Variants in ROBO1 observed in about 807,000 individuals in gnomAD.
ROBO1 encodes roundabout homolog 1.
ROBO1 carries 149 observed loss-of-function variants against 195.9 expected under a neutral mutation model. That is an observed-to-expected ratio of 0.76 (90% CI 0.67 to 0.87). The LOEUF (loss-of-function observed/expected upper bound fraction) is 0.87. Among genes scored for constraint, ROBO1 ranks in the 40% least tolerant of loss-of-function variants. The pLI, the probability that ROBO1 is intolerant of heterozygous loss-of-function variation, is 0.00. For missense variants in ROBO1, 1,933 were observed against 2,068.3 expected (o/e 0.93, Z 1.27); for synonymous variants, 816 against 733.2 (o/e 1.11, Z -1.82).
At chr3:79,192,135 C>A (rs1559725042) in intron 2 of ROBO1, among the ~76,000 whole-genome samples, 1 of 151,276 alleles carries the variant, frequency 6.6e-6, no homozygotes, top group South Asian at 2.1e-4. Flanking sequence ...GAAATATATC[C>A]CCACATTTGA....
At chr3:79,042,843 T>A (rs1413840135) in intron 3 of ROBO1, among the ~76,000 whole-genome samples, 1 of 152,272 alleles carries the variant, frequency 6.6e-6, no homozygotes, top group Admixed American at 6.5e-5. Flanking sequence ...TATAATAAAA[T>A]CTGAATTCTA....
intron 2 of ROBO1, among the ~76,000 whole-genome samples, chr3:79,568,011 A>C (rs1320602483): frequency 6.6e-6 from 1 of 152,140 alleles, no homozygotes; most frequent in African/African-American, 2.4e-5. Flanking sequence ...TCTACGGCTA[A>C]TGAAAATACC....
intron 5 of ROBO1, among the ~76,000 whole-genome samples, chr3:78,738,537 C>G (rs2108235329): frequency 6.6e-6 from 1 of 152,130 alleles, no homozygotes; most frequent in South Asian, 2.1e-4. Context: ...TTTTTACTTA[C>G]CTTATATAAA....
intron 2 of ROBO1, among the ~76,000 whole-genome samples, chr3:79,300,872 ACT>A (rs914477402): frequency 4.6e-5 from 7 of 151,046 alleles, no homozygotes; most frequent in African/African-American, 1.5e-4. Flanking sequence ...TTTATGTCAC[ACT>A]CTGTATCTAG....
intron 28 of ROBO1, chr3:78,607,333 C>T: frequency 3.0e-6 from 1 of 333,548 alleles, no homozygotes; most frequent in South Asian, 4.1e-5. Flanking sequence ...CCACCTCAGC[C>T]TCCCGAGTAG....
chr3:79,562,708 T>C (rs1177918116), intron 2 of ROBO1, among the ~76,000 whole-genome samples: 2 of 152,066 alleles, frequency 1.3e-5, no homozygotes, highest in African/African-American at 2.4e-5. Context: ...TGTTTTATCA[T>C]ATTATTTTTC....
chr3:79,375,612 G>C (rs1020084796), intron 2 of ROBO1, among the ~76,000 whole-genome samples: 1 of 152,154 alleles, frequency 6.6e-6, no homozygotes, highest in Non-Finnish European at 1.5e-5. Flanking sequence ...CATTTCAGAT[G>C]ATGGCCAGGA....
intron 19 of ROBO1, 93 bp from the exon 20 acceptor site, chr3:78,647,748 A>G (rs2107602451): frequency 9.4e-7 from 1 of 1,059,320 alleles, no homozygotes; most frequent in African/African-American, 1.6e-5. Context: ...ACAGCTGAAC[A>G]TAAAACAAAT....
chr3:79,215,532 A>G (rs763051246), intron 2 of ROBO1, among the ~76,000 whole-genome samples: 11 of 152,318 alleles, frequency 7.2e-5, no homozygotes, highest in Non-Finnish European at 1.3e-4. Context: ...AAATTAAATG[A>G]CAGTCAGTCC....
At chr3:78,995,077 C>G (rs1014336840) in intron 3 of ROBO1, among the ~76,000 whole-genome samples, 3 of 152,104 alleles carry the variant, frequency 2.0e-5, no homozygotes, top group African/African-American at 7.2e-5. Context: ...CTGTAGTGCA[C>G]CTTATACTTT....
intron 2 of ROBO1, among the ~76,000 whole-genome samples, chr3:79,242,912 A>G (rs576389202): frequency 2.6e-5 from 4 of 151,870 alleles, no homozygotes; most frequent in Non-Finnish European, 1.5e-5. Flanking sequence ...TACATGTGCC[A>G]TGTTGGTGTG....
intron 2 of ROBO1, among the ~76,000 whole-genome samples, chr3:79,379,210 A>C (rs1169248713): frequency 1.3e-5 from 2 of 152,206 alleles, no homozygotes; most frequent in Non-Finnish European, 2.9e-5. Context: ...CTAAGGCTTG[A>C]CTGTGGTAGT....
intron 1 of ROBO1, among the ~76,000 whole-genome samples, chr3:79,602,172 G>A (rs1362555901): frequency 6.6e-6 from 1 of 151,950 alleles, no homozygotes; most frequent in Non-Finnish European, 1.5e-5. Flanking sequence ...TACAGCAGCA[G>A]GGTGAGGACG....
chr3:79,432,940 T>C (rs1258544402), intron 2 of ROBO1, among the ~76,000 whole-genome samples: 5 of 152,210 alleles, frequency 3.3e-5, no homozygotes, highest in Admixed American at 2.6e-4. Context: ...TAAGGATTAA[T>C]ATAGTTCAAA....
At chr3:79,365,899 A>C (rs1289326384) in intron 2 of ROBO1, among the ~76,000 whole-genome samples, 4 of 149,272 alleles carry the variant, frequency 2.7e-5, no homozygotes, top group Admixed American at 2.0e-4. Context: ...TCCGTCTCAA[A>C]AAAAAAAAAA....
intron 5 of ROBO1, among the ~76,000 whole-genome samples, chr3:78,722,751 T>C (rs1469518712): frequency 6.6e-6 from 1 of 152,148 alleles, no homozygotes; most frequent in Admixed American, 6.5e-5. Context: ...GAAAGCAAAG[T>C]GAGCACGGGC....
chr3:79,402,922 G>A (rs931014722), intron 2 of ROBO1, among the ~76,000 whole-genome samples: 1 of 151,850 alleles, frequency 6.6e-6, no homozygotes, highest in African/African-American at 2.4e-5. Flanking sequence ...TGAAATTTCT[G>A]GTGGAGATTT....
chr3:79,742,546 T>A (rs970660436), intron 1 of ROBO1, among the ~76,000 whole-genome samples: 2 of 152,196 alleles, frequency 1.3e-5, no homozygotes, highest in Non-Finnish European at 1.5e-5. Flanking sequence ...GACTATGTGC[T>A]ATGTGCTTGC....
intron 2 of ROBO1, among the ~76,000 whole-genome samples, chr3:79,412,997 GAAC>G (rs1156415815): frequency 7.2e-6 from 1 of 139,846 alleles, no homozygotes; most frequent in African/African-American, 2.7e-5. Context: ...AACTATACTA[GAAC>G]AACATTAGTT....
Sources: allele counts gnomAD v4.1 joint callset (sites outside exome capture counted in the v4.1 genomes callset), GRCh38; gene constraint gnomAD v4.1.1; transcripts MANE v1.5; gene names NCBI Gene and HGNC (gene_info 2026-07-23, HGNC 2026-07-21).